Variants in DOCK2 observed in about 807,000 individuals in gnomAD.
The protein encoded by DOCK2 is dedicator of cytokinesis protein 2.
Under a neutral mutation model 248.9 loss-of-function variants are expected in DOCK2, and 87 were observed. The ratio of observed to expected loss-of-function variants is 0.35; its 90% CI spans 0.29 to 0.42. The LOEUF (loss-of-function observed/expected upper bound fraction) is 0.42. Ranked by LOEUF, DOCK2 falls within the 10% of genes least tolerant of loss-of-function variation. DOCK2 has a pLI of 1.00. For synonymous variants in DOCK2, 805 were observed against 821.6 expected (o/e 0.98, Z 0.35); for missense variants, 1,747 against 2,300.2 (o/e 0.76, Z 4.92).
intron 22 of DOCK2, among the ~76,000 whole-genome samples, chr5:169,732,732 G>A (rs1033843882): frequency 2.0e-5 from 3 of 152,024 alleles, no homozygotes; most frequent in Non-Finnish European, 4.4e-5. Flanking sequence ...CCTACTCCAT[G>A]TTCTCACCCT....
intron 27 of DOCK2, among the ~76,000 whole-genome samples, chr5:169,857,196 A>G (rs1188131435): frequency 6.6e-6 from 1 of 152,260 alleles, no homozygotes; most frequent in Non-Finnish European, 1.5e-5. Context: ...GCATTTTAAT[A>G]GAAACATTAC....
chr5:169,783,953 T>A (rs1453832845), intron 25 of DOCK2, among the ~76,000 whole-genome samples: 1 of 152,190 alleles, frequency 6.6e-6, no homozygotes, highest in Non-Finnish European at 1.5e-5. Flanking sequence ...ATTAGCACCC[T>A]CTTTTACTCA....
chr5:169,993,346 C>G (rs1156323939), intron 29 of DOCK2, among the ~76,000 whole-genome samples: 1 of 152,208 alleles, frequency 6.6e-6, no homozygotes, highest in Non-Finnish European at 1.5e-5. Context: ...GATCCCTGTC[C>G]TCTGTCTGCC....
At chr5:169,750,512 T>C (rs1247221326) in intron 23 of DOCK2, among the ~76,000 whole-genome samples, 1 of 152,252 alleles carries the variant, frequency 6.6e-6, no homozygotes, top group Non-Finnish European at 1.5e-5. Flanking sequence ...GAACAAATTA[T>C]AAAATGCTAT....
chr5:169,893,467 C>T (rs1017708094), intron 27 of DOCK2, among the ~76,000 whole-genome samples: 36 of 129,332 alleles, frequency 2.8e-4, no homozygotes, highest in African/African-American at 1.1e-3. Flanking sequence ...TAACTGGGGA[C>T]ATTTTCTTAC....
At chr5:169,858,452 G>T (rs1771010106) in intron 27 of DOCK2, among the ~76,000 whole-genome samples, 1 of 152,104 alleles carries the variant, frequency 6.6e-6, no homozygotes, top group African/African-American at 2.4e-5. Context: ...AGCCTTCAGG[G>T]ACTGAAGGCG....
chr5:169,811,970 T>A (rs1767785646), intron 26 of DOCK2, among the ~76,000 whole-genome samples: 1 of 152,242 alleles, frequency 6.6e-6, no homozygotes, highest in South Asian at 2.1e-4. Flanking sequence ...TGCTCTATTC[T>A]GTATGCTGGG....
intron 34 of DOCK2, among the ~76,000 whole-genome samples, chr5:170,032,945 G>A (rs566757601): frequency 2.0e-5 from 3 of 152,172 alleles, no homozygotes; most frequent in Non-Finnish European, 1.5e-5. Flanking sequence ...CTGGGAACAC[G>A]CTCTGGTGTT....
intron 22 of DOCK2, among the ~76,000 whole-genome samples, chr5:169,736,473 C>T (rs1763049764): frequency 6.6e-6 from 1 of 152,148 alleles, no homozygotes; most frequent in African/African-American, 2.4e-5. Flanking sequence ...TCTCCTAAAC[C>T]CTAGAAGTCC....
intron 41 of DOCK2, among the ~76,000 whole-genome samples, chr5:170,050,669 G>A (rs1286146315): frequency 6.6e-6 from 1 of 152,174 alleles, no homozygotes; most frequent in African/African-American, 2.4e-5. Context: ...GAGCTAGAAT[G>A]TCAACTGTAT....
intron 33 of DOCK2, among the ~76,000 whole-genome samples, chr5:170,024,466 C>G (rs1400833192): frequency 2.0e-5 from 3 of 151,358 alleles, no homozygotes; most frequent in South Asian, 2.1e-4. Context: ...ATTCTTCTCC[C>G]TTGGCTGTTG....
chr5:169,671,832 T>G (rs188858229), intron 5 of DOCK2, among the ~76,000 whole-genome samples: 2 of 152,298 alleles, frequency 1.3e-5, no homozygotes, highest in Admixed American at 1.3e-4. Context: ...GACTTACCTT[T>G]CGTGGTCTTA....
intron 6 of DOCK2, among the ~76,000 whole-genome samples, chr5:169,675,429 C>G (rs1001962038): frequency 6.6e-6 from 1 of 152,152 alleles, no homozygotes; most frequent in Non-Finnish European, 1.5e-5. Context: ...GGTATTGGGG[C>G]TGTAGAAATA....
Position 169,905,956 on chromosome 5 carries a change from G to A in DOCK2, c.2799+65104G>A, listed in dbSNP as rs181119603. On this transcript the variant is annotated intron_variant, in intron 27 of 51. Coordinates refer to ENST00000520908, the MANE Select transcript of DOCK2 (RefSeq NM_004946.3). ...TGTATCTAAAATGTCTGTTGCCTTCGTTCAGAAAGCCTCTATTCTACTTTA... is the reference window on the plus strand; with the variant it reads ...TGTATCTAAAATGTCTGTTGCCTTCATTCAGAAAGCCTCTATTCTACTTTA... Among the ~76,000 whole-genome samples the A allele has an allele frequency of 2.1e-3, 326 of 152,264 alleles. 1 individual carries two copies. The highest frequency in any genetic ancestry group is 7.4e-3 in the African/African-American group (308 of 41,540).
At chr5:169,965,217 A>C (rs1406951556) in intron 27 of DOCK2, among the ~76,000 whole-genome samples, 1 of 152,212 alleles carries the variant, frequency 6.6e-6, no homozygotes, top group African/African-American at 2.4e-5. Context: ...AATGCTCCTT[A>C]AATTTCCATG....
chr5:169,642,070 C>A (rs111611663), intron 1 of DOCK2, among the ~76,000 whole-genome samples: 3,017 of 152,324 alleles, frequency 0.02, 47 homozygotes, highest in African/African-American at 0.048. Context: ...GGGACTGATT[C>A]TTTGAGTTGG....
intron 27 of DOCK2, among the ~76,000 whole-genome samples, chr5:169,908,379 A>C (rs972666341): frequency 6.6e-6 from 1 of 152,124 alleles, no homozygotes; most frequent in Non-Finnish European, 1.5e-5. Context: ...AGGCATACTC[A>C]TACATGCTCT....
intron 44 of DOCK2, among the ~76,000 whole-genome samples, chr5:170,066,859 C>G (rs942535446): frequency 6.6e-6 from 1 of 152,112 alleles, no homozygotes. Flanking sequence ...CACCATCTGG[C>G]CTGCAAATCC....
chr5:169,718,464 G>A (rs973449340), intron 21 of DOCK2, among the ~76,000 whole-genome samples, 193 bp from the exon 22 acceptor site: 1 of 151,698 alleles, frequency 6.6e-6, no homozygotes, highest in Admixed American at 6.6e-5. Context: ...GGCTTTTTAT[G>A]AGCAGGAAAT....
Sources: allele counts gnomAD v4.1 joint callset (sites outside exome capture counted in the v4.1 genomes callset), GRCh38; gene constraint gnomAD v4.1.1; transcripts MANE v1.5; gene names NCBI Gene and HGNC (gene_info 2026-07-23, HGNC 2026-07-21).